ST13: variants seen among roughly 807,000 people sequenced by gnomAD.
The protein encoded by ST13 is ST13 Hsp70 interacting protein.
Under a neutral mutation model 56.7 loss-of-function variants are expected in ST13, and 23 were observed. That is an observed-to-expected ratio of 0.41 (90% CI 0.29 to 0.57). The LOEUF (loss-of-function observed/expected upper bound fraction) is 0.57. ST13 is among the 20% of genes least tolerant of loss of function. ST13 has a pLI of 0.36. For synonymous variants in ST13, 132 were observed against 142.4 expected, an observed-to-expected ratio of 0.93 and a Z score of 0.52; for missense variants, 369 against 459.9, an observed-to-expected ratio of 0.80 and a Z score of 1.81.
chr22:40,848,122 AATTT>A (rs2145747852), intron 3 of ST13, among the ~76,000 whole-genome samples, 168 bp downstream of exon 3: 1 of 152,338 alleles, frequency 6.6e-6, no homozygotes, highest in South Asian at 2.1e-4. Flanking sequence ...TTAATATCTG[AATTT>A]ATTTCATGTT....
chr22:40,854,130 C>G (rs5751002), intron 1 of ST13, among the ~76,000 whole-genome samples: 18,790 of 152,218 alleles, frequency 0.12, 2,116 homozygotes, highest in African/African-American at 0.3. Context: ...GTGAGAAACA[C>G]ATGTTTTCAA....
At chr22:40,856,363 G>A (rs2057895461) in intron 1 of ST13, 68 bp downstream of exon 1, 2 of 1,428,236 alleles carry the variant, frequency 1.4e-6, no homozygotes, top group Non-Finnish European at 2.0e-6. Flanking sequence ...ACCGAGCCAG[G>A]TCCAGCCTGG....
At chr22:40,845,004 A>G (rs1165224306) in intron 3 of ST13, 95 bp from the exon 4 acceptor site, 8 of 786,930 alleles carry the variant, frequency 1.0e-5, no homozygotes, top group Non-Finnish European at 1.6e-5. Context: ...TGACTACTAC[A>G]ATTAATTATT....
intron 7 of ST13, among the ~76,000 whole-genome samples, chr22:40,834,673 A>C (rs1341597485): frequency 6.6e-6 from 1 of 152,200 alleles, no homozygotes; most frequent in Non-Finnish European, 1.5e-5. Context: ...TTCCCACAGA[A>C]ATAGCTTATT....
intron 3 of ST13, among the ~76,000 whole-genome samples, chr22:40,846,288 A>G (rs1278270604): frequency 6.6e-6 from 1 of 152,156 alleles, no homozygotes; most frequent in African/African-American, 2.4e-5. Context: ...CACATAATGA[A>G]ATGATTCTCA....
At chr22:40,832,491 A>G in intron 8 of ST13, 78 bp downstream of exon 8, 3 of 1,043,736 alleles carry the variant, frequency 2.9e-6, no homozygotes, top group Non-Finnish European at 4.4e-6. Context: ...TTTCAGATGA[A>G]TTACAGCTGT....
intron 2 of ST13, among the ~76,000 whole-genome samples, chr22:40,849,206 A>G (rs940424646): frequency 1.3e-5 from 2 of 152,088 alleles, no homozygotes; most frequent in Non-Finnish European, 2.9e-5. Context: ...GGCAGGGCGC[A>G]GTGGCTCATG....
At chr22:40,841,608 AAAT>A (rs1478039935) in intron 4 of ST13, among the ~76,000 whole-genome samples, 6 of 152,014 alleles carry the variant, frequency 3.9e-5, no homozygotes. Context: ...TTAAATATAA[AAAT>A]AATGTTTTAT....
chr22:40,829,300 C>T (rs368870146), intron 10 of ST13, among the ~76,000 whole-genome samples: 3 of 152,254 alleles, frequency 2.0e-5, no homozygotes, highest in South Asian at 4.1e-4. Flanking sequence ...TCCACACTGT[C>T]GTAATCAGGA....
chr22:40,833,027 G>C (rs2057761023), intron 7 of ST13, among the ~76,000 whole-genome samples: 1 of 152,098 alleles, frequency 6.6e-6, no homozygotes, highest in Admixed American at 6.6e-5. Flanking sequence ...TTCTATGTAA[G>C]ACAGAAGAGA....
At chr22:40,829,595 C>T (rs1200363406) in intron 10 of ST13, 31 bp downstream of exon 10, 3 of 1,252,208 alleles carry the variant, frequency 2.4e-6, no homozygotes, top group South Asian at 4.2e-5. Context: ...TATAATAGAA[C>T]AAAACAGTTT....
chr22:40,840,178 A>G (rs2057796448), intron 5 of ST13, among the ~76,000 whole-genome samples: 1 of 152,060 alleles, frequency 6.6e-6, no homozygotes, highest in South Asian at 2.1e-4. Flanking sequence ...AACAAACAAA[A>G]AACAAAACCG....
chr22:40,853,662 G>A (rs2057873219), intron 1 of ST13, among the ~76,000 whole-genome samples: 1 of 152,032 alleles, frequency 6.6e-6, no homozygotes, highest in Non-Finnish European at 1.5e-5. Flanking sequence ...ATGGTTATTT[G>A]TACACATGTA....
At chr22:40,850,720 G>T in intron 2 of ST13, 103 bp downstream of exon 2, 1 of 824,998 alleles carries the variant, frequency 1.2e-6, no homozygotes. Flanking sequence ...AAGTGATCTT[G>T]GGGAAATCAG....
chr22:40,826,781 G>A, intron 11 of ST13, 115 bp from the exon 12 acceptor site: 1 of 1,283,664 alleles, frequency 7.8e-7, no homozygotes, highest in Admixed American at 2.1e-5. Flanking sequence ...TAAGTTAAAT[G>A]GGGTTTAGAT....
chr22:40,854,495 T>C (rs1368595027), intron 1 of ST13: 2 of 152,234 alleles, frequency 1.3e-5, no homozygotes, highest in Non-Finnish European at 2.9e-5. Context: ...TATTTCTTGT[T>C]TTTGTTTGGG....
At chr22:40,837,475 C>A (rs5750999) in intron 5 of ST13, among the ~76,000 whole-genome samples, 9 of 152,074 alleles carry the variant, frequency 5.9e-5, no homozygotes, top group African/African-American at 4.8e-5. Context: ...GGAGAAACCC[C>A]GTCTCTACTA....
intron 10 of ST13, among the ~76,000 whole-genome samples, chr22:40,828,077 T>C (rs1380645290): frequency 2.0e-5 from 3 of 152,232 alleles, no homozygotes; most frequent in Non-Finnish European, 4.4e-5. Flanking sequence ...GGCTTATCTG[T>C]TGATTTTTCA....
At position 40,835,670 on chromosome 22, in the gene ST13, A is replaced by G. The variant is rs1216688495; in HGVS notation, c.468T>C (p.Ser156=). The G allele has an allele frequency of 2.5e-6, 4 of 1,612,960 alleles. No individual in the cohort carries two copies. The African/African-American group carries it at 4.0e-5, about 16-fold the overall frequency. The change falls in exon 7 of 12, where the codon AGT becomes AGC. Residue 156 remains serine, a splice_region_variant and synonymous_variant. Coordinates refer to ENST00000216218, the MANE Select transcript of ST13 (RefSeq NM_003932.5). Reference sequence around the variant, plus strand: ...TTGGCTTCTGTAATTTGACGAAGACACTGAAAAATAAGTGTGTTATTAAAA... The same window carrying G: ...TTGGCTTCTGTAATTTGACGAAGACGCTGAAAAATAAGTGTGTTATTAAAA... ...RLAILYAKRA[S]VFVKLQKPNA...
Sources: gnomAD v4.1 joint callset for allele counts (sites outside exome capture counted in the v4.1 genomes callset) on GRCh38, gnomAD v4.1.1 for gene constraint, MANE v1.5 for transcripts, NCBI Gene and HGNC (gene_info 2026-07-23, HGNC 2026-07-21) for gene names.